Variants in ABCA7 observed in about 807,000 individuals in gnomAD.
The protein encoded by ABCA7 is phospholipid-transporting ATPase ABCA7.
ABCA7 carries 261 observed loss-of-function variants against 227.6 expected under a neutral mutation model. That is an observed-to-expected ratio of 1.15 (90% confidence interval 1.04 to 1.27). The LOEUF (loss-of-function observed/expected upper bound fraction) is 1.27. ABCA7 is among the 50% of genes most tolerant of loss of function. The pLI is 0.00. For missense variants in ABCA7, 3,331 were observed against 2,924.5 expected, an observed-to-expected ratio of 1.14 and a Z score of -3.21; for synonymous variants, 1,488 against 1,279.7, an observed-to-expected ratio of 1.16 and a Z score of -3.47.
chr19:1,059,065 C>T lies in ABCA7; in HGVS notation c.5443C>T (p.Leu1815=). 6.2e-7 allele frequency: 1 copy of T among 1,613,558 alleles called. No individual in the cohort carries two copies. Among genetic ancestry groups the T allele is most frequent in the Non-Finnish European group, 8.5e-7 (1 of 1,179,944 alleles). ...GATGCCAGCTGTTGACCGCTTGTGC[C>T]TGGGGATTCCCCCTGGTGAGGTGAG... ...QRMPAVDRLC[L]GIPPGECFGL... The change falls in exon 40 of 47, where the codon CTG becomes TTG. Residue 1815 remains leucine, a synonymous_variant. Transcript: ENST00000263094.
At chr19:1,045,607 C>T (rs556404600) in intron 12 of ABCA7, 1 of 241,360 alleles carries the variant, frequency 4.1e-6, no homozygotes, top group Non-Finnish European at 8.2e-6. Context: ...GTGGGAGAAT[C>T]TCTTGAGGAC....
chr19:1,041,716 A>G lies in ABCA7; in HGVS notation c.160+113A>G, dbSNP rs567043891. On this transcript the variant is annotated intron_variant, in intron 3 of 46. Transcript: ENST00000263094. ...GGAGCCTTCACCAGGCCGCCAATACATGGCATGGGAGTGAGCTCTCCATCG... is the reference window on the plus strand; with the variant it reads ...GGAGCCTTCACCAGGCCGCCAATACGTGGCATGGGAGTGAGCTCTCCATCG... The G allele has an allele frequency of 8.9e-4, 1,404 of 1,577,266 alleles. 33 individuals are homozygous for G. The South Asian group carries it at 0.015, about 17-fold the overall frequency.
At chr19:1,062,143 C>T (rs749567392) in intron 41 of ABCA7, 29 bp from the exon 42 acceptor site, 2 of 1,608,982 alleles carry the variant, frequency 1.2e-6, no homozygotes, top group Admixed American at 1.7e-5. Flanking sequence ...CTAGCCAGCT[C>T]TCTGAGCCCC....
In ABCA7 at chr19:1,046,383, C is replaced by T. The variant is rs373534808; in HGVS notation, c.1599C>T (p.Pro533=). Residue 533 remains proline, a synonymous_variant, in exon 13 of 47, where the codon CCC becomes CCT. Coordinates refer to ENST00000263094, the MANE Select transcript of ABCA7 (RefSeq NM_019112.4). ...CCGGCCTCTACCTGCAGCAGATGCCCTATCCGTGCTATGTGGACGACGTGT... is the reference window on the plus strand; with the variant it reads ...CCGGCCTCTACCTGCAGCAGATGCCTTATCCGTGCTATGTGGACGACGTGT... The part of the protein sequence containing the change: ...PRAGLYLQQM[P]YPCYVDDVFL... 1.9e-6 allele frequency: 3 copies of T among 1,580,482 alleles called. No individual in the cohort carries two copies. In the African/African-American group the frequency reaches 4.0e-5, roughly 21 times the overall value.
Position 1,058,185 on chromosome 19 carries a change from C to G in ABCA7, c.5065C>G (p.Leu1689Val). The G allele has an allele frequency of 6.2e-7, 1 of 1,613,762 alleles. No homozygotes were observed. The highest frequency in any genetic ancestry group is 8.5e-7 in the Non-Finnish European group (1 of 1,179,922). The change falls in exon 37 of 47, where the codon CTT (leucine) becomes GTT (valine). Residue 1689 changes from leucine to valine, a missense_variant. Coordinates refer to ENST00000263094, the MANE Select transcript of ABCA7 (RefSeq NM_019112.4). ...EVSRILKQVF[L>V]IFPHFCLGRG... ...GAGCCGGATCTTGAAACAGGTCTTC[C>G]TTATCTTCCCCCACTTCTGCTTGGG...
In ABCA7 at chr19:1,047,643, C is replaced by G; in HGVS notation, c.2258C>G (p.Ala753Gly). Residue 753 changes from alanine (A) to glycine (G), a missense_variant, in exon 16 of 47, where the codon GCT (alanine) becomes GGT (glycine). Physicochemically the swap from Ala to Gly is moderately conservative, Grantham distance 60 (BLOSUM62 0). Transcript: ENST00000263094. ...LYGLATWYLE[A>G]VCPGQYGIPE... ...GGCCTCGCCACCTGGTACCTGGAAG[C>G]TGTGTGCCCAGGTGGGCCGTAGGGG... 1 of 1,596,346 alleles carries G rather than the reference C, an allele frequency of 6.3e-7. No homozygotes were observed. The highest frequency in any genetic ancestry group is 8.5e-7 in the Non-Finnish European group (1 of 1,176,246).
Position 1,041,274 on chromosome 19 carries a change from G to C in ABCA7, c.-88G>C. The C allele has an allele frequency of 7.6e-7, 1 of 1,315,246 alleles. No individual in the cohort carries two copies. The highest frequency in any genetic ancestry group is 1.2e-5 in the South Asian group (1 of 85,124). 81.5% of individuals were successfully genotyped at this position (1,315,246 alleles called of 1,614,324 possible). On this transcript the variant is annotated 5_prime_UTR_variant, in exon 2 of 47. Transcript: ENST00000263094. ...GGATAAAGGAATGAGGTTCAGAAAGGGGCAGGGAGTTGCCCGCAGCCGCAC... is the reference window on the plus strand; with the variant it reads ...GGATAAAGGAATGAGGTTCAGAAAGCGGCAGGGAGTTGCCCGCAGCCGCAC...
chr19:1,044,881 G>C, intron 11 of ABCA7, 121 bp from the exon 12 acceptor site: 1 of 1,470,688 alleles, frequency 6.8e-7, no homozygotes, highest in Non-Finnish European at 9.1e-7. Context: ...TCTCAGGAGG[G>C]AGCCGGCCGT....
chr19:1,042,747 A>C lies in ABCA7; in HGVS notation c.500A>C (p.Glu167Ala). The C allele has an allele frequency of 6.2e-7, 1 of 1,613,204 alleles. No homozygotes were observed. Reference sequence around the variant, plus strand: ...CCCCCTTGTGGTCTTTCTCCCCAGGAATCCCTGGGGTTGGCACTGGGCCAA... The same window carrying C: ...CCCCCTTGTGGTCTTTCTCCCCAGGCATCCCTGGGGTTGGCACTGGGCCAA... ...AELLTSLLRTESLGLALGQAQ... is the reference protein window; with the variant it reads ...AELLTSLLRTASLGLALGQAQ... Residue 167 changes from glutamate to alanine, a missense_variant and splice_region_variant, in exon 7 of 47, where the codon GAA becomes GCA. Glu to Ala is a moderately radical substitution (Grantham distance 107, BLOSUM62 -1). Coordinates refer to ENST00000263094, the MANE Select transcript of ABCA7 (RefSeq NM_019112.4).
At chr19:1,050,804 AATAATAATAATAAT>A in intron 18 of ABCA7, 103 bp from the exon 19 acceptor site, 1 of 499,146 alleles carries the variant, frequency 2.0e-6, no homozygotes, top group Non-Finnish European at 2.7e-6. Context: ...TAATAATAAT[AATAATAATAATAAT>A]AAATAATTAA....
At position 1,055,127 on chromosome 19, in the gene ABCA7, G is replaced by T. The variant is rs1468044412; in HGVS notation, c.3981G>T (p.Val1327=). The T allele has an allele frequency of 1.9e-6, 3 of 1,612,790 alleles. No individual in the cohort carries two copies. Among genetic ancestry groups the T allele is most frequent in the Non-Finnish European group, 2.5e-6 (3 of 1,179,844 alleles). Residue 1327 remains valine, a synonymous_variant, in exon 30 of 47, where the codon GTG becomes GTT. Coordinates refer to ENST00000263094, the MANE Select transcript of ABCA7 (RefSeq NM_019112.4). ...CGGCACCAGAAGTTCCTGCTGAAGTGGCCAAGGTCTTGGCCAGTGGCAACT... is the reference window on the plus strand; with the variant it reads ...CGGCACCAGAAGTTCCTGCTGAAGTTGCCAAGGTCTTGGCCAGTGGCAACT... The part of the protein sequence containing the change: ...RFSAPEVPAE[V]AKVLASGNWT...
At chr19:1,046,606 G>C (rs113167986) in intron 13 of ABCA7, among the ~76,000 whole-genome samples, 196 bp from the exon 14 acceptor site, 1 of 152,300 alleles carries the variant, frequency 6.6e-6, no homozygotes, top group African/African-American at 2.4e-5. Flanking sequence ...GAGGGTCTGG[G>C]GGCCCCCGGC....
At chr19:1,059,656 C>T (rs1351963308) in intron 40 of ABCA7, among the ~76,000 whole-genome samples, 4 of 150,336 alleles carry the variant, frequency 2.7e-5, no homozygotes, top group South Asian at 2.1e-4. Context: ...CTCCACCTCC[C>T]GGGTTCACAC....
In ABCA7 at chr19:1,047,492, A is replaced by T. The variant is rs868293527; in HGVS notation, c.2107A>T (p.Ser703Cys). Reference sequence around the variant, plus strand: ...CGTGGCCTTCGGCTTCGGCTGCGAGAGCCTGGCTCTGCTGGAGGAGCAGGG... The same window carrying T: ...CGTGGCCTTCGGCTTCGGCTGCGAGTGCCTGGCTCTGCTGGAGGAGCAGGG... The part of the protein sequence containing the change: ...SPVAFGFGCE[S>C]LALLEEQGEG... Residue 703 changes from serine (S) to cysteine (C), a missense_variant, in exon 16 of 47, where the codon AGC becomes TGC. Transcript: ENST00000263094. The T allele has an allele frequency of 6.3e-7, 1 of 1,575,948 alleles. No individual in the cohort carries two copies. Among genetic ancestry groups the T allele is most frequent in the South Asian group, 1.1e-5 (1 of 88,272 alleles).
Position 1,050,915 on chromosome 19 carries a change from C to A in ABCA7, c.2553-6C>A. ...GGGGGCTACTCTGAGACCCCTCTATCCACAGGTCCATCTTGAGTGGCCTCT... is the reference window on the plus strand; with the variant it reads ...GGGGGCTACTCTGAGACCCCTCTATACACAGGTCCATCTTGAGTGGCCTCT... On this transcript the variant is annotated splice_polypyrimidine_tract_variant and splice_region_variant and intron_variant, in intron 18 of 46. Transcript: ENST00000263094. 1 of 1,596,612 alleles carries A rather than the reference C, an allele frequency of 6.3e-7. No homozygotes were observed. Among genetic ancestry groups the A allele is most frequent in the Non-Finnish European group, 8.6e-7 (1 of 1,169,490 alleles).
Position 1,056,371 on chromosome 19 carries a change from T to G in ABCA7, c.4458T>G (p.Phe1486Leu). Residue 1486 changes from phenylalanine (F) to leucine (L), a missense_variant, in exon 33 of 47, where the codon TTT becomes TTG. Phe to Leu is a conservative substitution (Grantham distance 22). Coordinates refer to ENST00000263094, the MANE Select transcript of ABCA7 (RefSeq NM_019112.4). The surrounding 1 kb of genome is among the most constrained non-coding windows in gnomAD (Gnocchi z 4.3). ...AAGGCTGGCACTCCATGGTGGCCTT[T>G]GTCAACCGAGCCAGCAACGCAATCC... ...NNKGWHSMVA[F>L]VNRASNAILR... 6.2e-7 allele frequency: 1 copy of G among 1,613,424 alleles called. No individual in the cohort carries two copies. Among genetic ancestry groups the G allele is most frequent in the South Asian group, 1.1e-5 (1 of 91,066 alleles).
rs369258978 is a variant in ABCA7, at chr19:1,062,549, A to T, written c.5712+236A>T. 6.6e-5 allele frequency among the ~76,000 whole-genome samples: 10 copies of T among 150,480 alleles called. No homozygotes were observed. In the East Asian group the frequency reaches 1.6e-3, roughly 24 times the overall value. On this transcript the variant is annotated intron_variant, in intron 42 of 46. Transcript: ENST00000263094. ...TTCCACCATTCTCATTGGTCCACCC[A>T]CCCTTCCTTCCGCTGCACGTTGCCC...
Position 1,056,594 on chromosome 19 carries a change from G to A in ABCA7, c.4586+95G>A, listed in dbSNP as rs2042274843. The A allele has an allele frequency of 1.4e-6, 2 of 1,408,446 alleles. No individual in the cohort carries two copies. Among genetic ancestry groups the A allele is most frequent in the Non-Finnish European group, 1.9e-6 (2 of 1,041,368 alleles). The allele number at this position is 1,408,446 out of a possible 1,614,324, so 87.2% of individuals were successfully genotyped here. On this transcript the variant is annotated intron_variant, in intron 33 of 46. Coordinates refer to ENST00000263094, the MANE Select transcript of ABCA7 (RefSeq NM_019112.4). This position sits in a 1 kb window ranked among gnomAD's most constrained non-coding sequence, Gnocchi z 4.3. ...GTGGTGGGAGCTGGATTTGAACCCT[G>A]ACACACTCTTGCTTTATAAATGGGG...
chr19:1,062,391 A>G, intron 42 of ABCA7, 78 bp downstream of exon 42: 1 of 1,557,622 alleles, frequency 6.4e-7, no homozygotes, highest in Admixed American at 1.7e-5. Flanking sequence ...GCCTGGCCCA[A>G]TCCCGCACTC....
Sources: allele counts gnomAD v4.1 joint callset (sites outside exome capture counted in the v4.1 genomes callset), GRCh38; gene constraint gnomAD v4.1.1; non-coding constraint Gnocchi (gnomAD v3.1); transcripts MANE v1.5; gene names NCBI Gene and HGNC (gene_info 2026-07-23, HGNC 2026-07-21).